The following PLCXD3 variants were observed in gnomAD, a reference collection of about 807,000 sequenced individuals.
PLCXD3 encodes the protein phosphatidylinositol specific phospholipase C X domain containing 3.
In PLCXD3, 19 loss-of-function variants were observed where a neutral mutation model predicts 25.5. That is an observed-to-expected ratio of 0.75 (90% CI 0.52 to 1.09). PLCXD3 has a LOEUF of 1.09. PLCXD3 is among the 50% of genes least tolerant of loss of function. PLCXD3 has a pLI of 0.00. For missense variants in PLCXD3, 411 were observed against 388.1 expected, an observed-to-expected ratio of 1.06 and a Z score of -0.50; for synonymous variants, 174 against 137.6, an observed-to-expected ratio of 1.26 and a Z score of -1.85.
intron 1 of PLCXD3, among the ~76,000 whole-genome samples, chr5:41,396,851 T>C (rs945309866): frequency 1.3e-5 from 2 of 152,236 alleles, no homozygotes; most frequent in Non-Finnish European, 2.9e-5. Context: ...TCTAGAGATC[T>C]GTGGAACTTT....
At chr5:41,413,662 C>A (rs1343765380) in intron 1 of PLCXD3, among the ~76,000 whole-genome samples, 1 of 152,042 alleles carries the variant, frequency 6.6e-6, no homozygotes, top group Non-Finnish European at 1.5e-5. Context: ...GCTTCTTGGT[C>A]ATAAAAGTGT....
chr5:41,495,338 T>A (rs1748810309), intron 1 of PLCXD3, among the ~76,000 whole-genome samples: 1 of 152,178 alleles, frequency 6.6e-6, no homozygotes, highest in Non-Finnish European at 1.5e-5. Context: ...AAAACAAAAT[T>A]TTTGGGCAAC....
chr5:41,464,755 C>A (rs1383120433), intron 1 of PLCXD3, among the ~76,000 whole-genome samples: 1 of 151,952 alleles, frequency 6.6e-6, no homozygotes, highest in Middle Eastern at 3.2e-3. Flanking sequence ...ATATACCATT[C>A]TCTGTATTTT....
intron 2 of PLCXD3, among the ~76,000 whole-genome samples, chr5:41,378,512 T>A (rs1034760411): frequency 5.9e-5 from 9 of 152,122 alleles, no homozygotes; most frequent in African/African-American, 2.2e-4. Flanking sequence ...TCCTTTTTCT[T>A]GTCAATGATA....
At chr5:41,461,872 C>T (rs1211240617) in intron 1 of PLCXD3, among the ~76,000 whole-genome samples, 1 of 151,942 alleles carries the variant, frequency 6.6e-6, no homozygotes, top group East Asian at 1.9e-4. Context: ...TAATTTAGTC[C>T]TATATTCCTA....
intron 2 of PLCXD3, among the ~76,000 whole-genome samples, chr5:41,347,018 C>T (rs541109744): frequency 6.6e-6 from 1 of 152,212 alleles, no homozygotes; most frequent in South Asian, 2.1e-4. Context: ...TTGGTAAGTA[C>T]CTAAGGTTGC....
intron 1 of PLCXD3, among the ~76,000 whole-genome samples, chr5:41,385,658 T>G (rs1745611606): frequency 6.6e-6 from 1 of 152,144 alleles, no homozygotes; most frequent in African/African-American, 2.4e-5. Context: ...GCTGAACCTA[T>G]GACCTGCTTC....
intron 1 of PLCXD3, among the ~76,000 whole-genome samples, chr5:41,493,099 A>T (rs1748741778): frequency 6.6e-6 from 1 of 152,040 alleles, no homozygotes; most frequent in Non-Finnish European, 1.5e-5. Context: ...TGATGTACAG[A>T]TGGGTTTTTG....
chr5:41,336,779 G>T (rs180674588), intron 2 of PLCXD3, among the ~76,000 whole-genome samples: 3 of 152,294 alleles, frequency 2.0e-5, no homozygotes, highest in Admixed American at 6.5e-5. Context: ...CACAGCTCCT[G>T]CAGTCTTGGC....
At chr5:41,445,467 G>T (rs951098200) in intron 1 of PLCXD3, among the ~76,000 whole-genome samples, 2 of 152,164 alleles carry the variant, frequency 1.3e-5, no homozygotes, top group African/African-American at 4.8e-5. Flanking sequence ...AGAAGGTAAA[G>T]AATTTGTCTC....
intron 1 of PLCXD3, among the ~76,000 whole-genome samples, chr5:41,447,067 G>C (rs1327903433): frequency 6.6e-6 from 1 of 152,176 alleles, no homozygotes. Context: ...TATTTCTGGG[G>C]GTGGAGGTCA....
intron 1 of PLCXD3, among the ~76,000 whole-genome samples, chr5:41,447,451 AAGAG>A (rs965235382): frequency 1.3e-5 from 2 of 152,222 alleles, no homozygotes; most frequent in African/African-American, 4.8e-5. Context: ...GTGGGATTAA[AAGAG>A]AGAAGGAAGG....
At chr5:41,364,101 C>A (rs1018303658) in intron 2 of PLCXD3, among the ~76,000 whole-genome samples, 2 of 151,988 alleles carry the variant, frequency 1.3e-5, no homozygotes, top group Non-Finnish European at 2.9e-5. Context: ...GGGGGGAGGG[C>A]ATTTGGCAAT....
At chr5:41,493,951 C>A (rs759064621) in intron 1 of PLCXD3, among the ~76,000 whole-genome samples, 1 of 152,186 alleles carries the variant, frequency 6.6e-6, no homozygotes, top group African/African-American at 2.4e-5. Flanking sequence ...CACTGTCCTG[C>A]GCCCACTGTC....
At chr5:41,363,345 C>T (rs1253815943) in intron 2 of PLCXD3, among the ~76,000 whole-genome samples, 1 of 152,188 alleles carries the variant, frequency 6.6e-6, no homozygotes, top group Non-Finnish European at 1.5e-5. Context: ...TAAATATCTA[C>T]TGCTTGATCC....
At chr5:41,326,181 T>C (rs1279020705) in intron 2 of PLCXD3, among the ~76,000 whole-genome samples, 1 of 152,144 alleles carries the variant, frequency 6.6e-6, no homozygotes, top group African/African-American at 2.4e-5. Context: ...CATTCATCCA[T>C]CCATGCATTC....
chr5:41,410,494 G>A (rs932297857), intron 1 of PLCXD3, among the ~76,000 whole-genome samples: 3 of 121,102 alleles, frequency 2.5e-5, no homozygotes, highest in Non-Finnish European at 5.8e-5. Context: ...TTCCTGTACC[G>A]GATGTCGCAA....
At chr5:41,420,808 T>C (rs182061906) in intron 1 of PLCXD3, among the ~76,000 whole-genome samples, 1 of 152,244 alleles carries the variant, frequency 6.6e-6, no homozygotes, top group Admixed American at 6.5e-5. Context: ...CTTTGTCACA[T>C]CACCTTTGCA....
chr5:41,403,554 C>T, intron 1 of PLCXD3, among the ~76,000 whole-genome samples: 1 of 83,184 alleles, frequency 1.2e-5, no homozygotes, highest in South Asian at 4.5e-4. Flanking sequence ...TCCCTCCCCA[C>T]TCCCCCGACC....
Sources: allele counts gnomAD v4.1 joint callset (sites outside exome capture counted in the v4.1 genomes callset), GRCh38; gene constraint gnomAD v4.1.1; transcripts MANE v1.5; gene names NCBI Gene and HGNC (gene_info 2026-07-23, HGNC 2026-07-21).